The following RBFOX1 variants were observed in gnomAD, a reference collection of about 807,000 sequenced individuals.
The protein encoded by RBFOX1 is RNA binding protein fox-1 homolog 1.
A neutral mutation model predicts 57.7 loss-of-function variants in RBFOX1; 8 were observed. That is an observed-to-expected ratio of 0.14 (90% CI 0.08 to 0.25). The LOEUF (loss-of-function observed/expected upper bound fraction) is 0.25, where lower values mean the gene tolerates loss of function less well. Ranked by LOEUF, RBFOX1 falls within the 10% of genes least tolerant of loss-of-function variation. The pLI, the probability that RBFOX1 is intolerant of heterozygous loss-of-function variation, is 1.00. For synonymous variants in RBFOX1, 326 were observed against 222.4 expected (o/e 1.47, Z -4.15); for missense variants, 611 against 548.5 (o/e 1.11, Z -1.14).
At position 6,082,648 on chromosome 16, in the gene RBFOX1, A is replaced by G. The variant is rs534996670; in HGVS notation, c.-127+62656A>G. Among the ~76,000 whole-genome samples, 109 of 152,186 alleles carry G rather than the reference A, an allele frequency of 7.2e-4. No individual in the cohort carries two copies. The Middle Eastern group carries it at 0.01, about 14-fold the overall frequency. ...TGTGCCTAAACCAAATGCTGGCAATAGGGACGGAATGATAAGCTTTGCTTT... is the reference window on the plus strand; with the variant it reads ...TGTGCCTAAACCAAATGCTGGCAATGGGGACGGAATGATAAGCTTTGCTTT... On this transcript the variant is annotated intron_variant, in intron 1 of 15. Coordinates refer to ENST00000550418, the MANE Select transcript of RBFOX1 (RefSeq NM_018723.4).
At chr16:7,057,375 G>A (rs568264201) in intron 4 of RBFOX1, among the ~76,000 whole-genome samples, 3 of 152,288 alleles carry the variant, frequency 2.0e-5, no homozygotes, top group Admixed American at 6.5e-5. Flanking sequence ...TGAACTCAAC[G>A]TATGTCTTGC....
chr16:6,637,485 C>CTATGTAT lies in RBFOX1; in HGVS notation c.-63-17115_-63-17114insGTATTAT, dbSNP rs1245006909. 3.7e-3 allele frequency among the ~76,000 whole-genome samples: 160 copies of CTATGTAT among 43,826 alleles called. 1 individual carries two copies. Among genetic ancestry groups the CTATGTAT allele is most frequent in the South Asian group, 6.0e-3 (3 of 496 alleles). 28.8% of individuals were successfully genotyped at this position (43,826 alleles called of 152,430 possible). A position where few individuals can be genotyped will look rare whatever the true frequency, so the allele number is the denominator to read the frequency against. ...TGTATTATATATTATATATAATATC[C>CTATGTAT]TATATATTATATATAATATTCTATA... On this transcript the variant is annotated intron_variant, in intron 2 of 15. Coordinates refer to ENST00000550418, the MANE Select transcript of RBFOX1 (RefSeq NM_018723.4).
intron 3 of RBFOX1, among the ~76,000 whole-genome samples, chr16:6,672,624 C>A (rs563860201): frequency 6.6e-6 from 1 of 152,124 alleles, no homozygotes; most frequent in African/African-American, 2.4e-5. Context: ...CTACTGACTT[C>A]AGGTACACAT....
chr16:6,495,155 T>C (rs183707320), intron 2 of RBFOX1, among the ~76,000 whole-genome samples: 28 of 152,268 alleles, frequency 1.8e-4, no homozygotes, highest in African/African-American at 6.0e-4. Context: ...CTTTCACTCT[T>C]TCACCCATGC....
At chr16:6,896,782 A>T (rs554038909) in intron 3 of RBFOX1, among the ~76,000 whole-genome samples, 1 of 152,214 alleles carries the variant, frequency 6.6e-6, no homozygotes. Flanking sequence ...ACAAATGTAC[A>T]TGAGAGGTGG....
chr16:6,617,131 A>AG (rs1318016621), intron 2 of RBFOX1, among the ~76,000 whole-genome samples: 1 of 152,212 alleles, frequency 6.6e-6, no homozygotes, highest in South Asian at 2.1e-4. Context: ...GTAAGACTTA[A>AG]GTGGTACAAG....
chr16:7,235,312 C>G (rs1275011686), intron 4 of RBFOX1, among the ~76,000 whole-genome samples: 1 of 152,110 alleles, frequency 6.6e-6, no homozygotes, highest in Non-Finnish European at 1.5e-5. Context: ...GTGTGGCAAC[C>G]AGTGTGACCA....
chr16:7,656,457 C>CCTAT (rs1404396468), intron 12 of RBFOX1, among the ~76,000 whole-genome samples: 18 of 151,654 alleles, frequency 1.2e-4, no homozygotes, highest in Non-Finnish European at 2.5e-4. Context: ...AGCAAGAACC[C>CCTAT]CTATCTTGTG....
intron 1 of RBFOX1, among the ~76,000 whole-genome samples, chr16:5,462,009 A>G (rs189911098): frequency 6.6e-6 from 1 of 152,210 alleles, no homozygotes; most frequent in East Asian, 1.9e-4. Context: ...GGTGGCACCA[A>G]TTTCCACTCC....
rs368225595 is a variant in RBFOX1 at position 6,842,603 on chromosome 16, C to G, written c.-16+187953C>G. Among the ~76,000 whole-genome samples, 11 of 150,596 alleles carry G rather than the reference C, an allele frequency of 7.3e-5. No individual in the cohort carries two copies. The East Asian group carries it at 9.8e-4, about 13-fold the overall frequency. ...GTATAGACATACTTAATTTATGTAT[C>G]CAGTTTCCTGCTGACAGACATTTAG... On this transcript the variant is annotated intron_variant, in intron 3 of 15. Transcript: ENST00000550418.
At chr16:5,738,322 T>C (rs1032311818) in intron 3 of RBFOX1, among the ~76,000 whole-genome samples, 2 of 151,886 alleles carry the variant, frequency 1.3e-5, no homozygotes, top group Non-Finnish European at 2.9e-5. Flanking sequence ...ACGCTGTTTC[T>C]TTAAAAAGTA....
At chr16:6,880,725 G>A (rs548973080) in intron 3 of RBFOX1, among the ~76,000 whole-genome samples, 6 of 152,252 alleles carry the variant, frequency 3.9e-5, no homozygotes, top group African/African-American at 9.6e-5. Flanking sequence ...CTTCTTGGAC[G>A]ATGATTATTT....
At chr16:7,431,633 C>A (rs1402352859) in intron 4 of RBFOX1, among the ~76,000 whole-genome samples, 10 of 152,236 alleles carry the variant, frequency 6.6e-5, no homozygotes, top group Admixed American at 2.6e-4. Context: ...CAACCGCCAT[C>A]ACTGTCCAGT....
At chr16:6,527,399 C>G (rs889313309) in intron 2 of RBFOX1, among the ~76,000 whole-genome samples, 32 of 152,004 alleles carry the variant, frequency 2.1e-4, no homozygotes, top group African/African-American at 6.5e-4. Flanking sequence ...CAGGCTACTT[C>G]GTCCTTCCCC....
intron 2 of RBFOX1, among the ~76,000 whole-genome samples, chr16:6,339,922 C>A (rs1312468418): frequency 6.6e-6 from 1 of 152,000 alleles, no homozygotes; most frequent in Non-Finnish European, 1.5e-5. Context: ...CATGATCCAC[C>A]CACCTCGTCC....
chr16:5,300,629 G>T (rs1301063839), intron 1 of RBFOX1, among the ~76,000 whole-genome samples: 3 of 152,002 alleles, frequency 2.0e-5, no homozygotes, highest in African/African-American at 7.3e-5. Flanking sequence ...AAGACATCTG[G>T]GACTCGGCTT....
At chr16:7,250,532 T>TA (rs1314742874) in intron 4 of RBFOX1, among the ~76,000 whole-genome samples, 1 of 152,248 alleles carries the variant, frequency 6.6e-6, no homozygotes, top group African/African-American at 2.4e-5. Flanking sequence ...AGTTAGTTTT[T>TA]ATCCCCTCCC....
At chr16:6,740,138 A>G (rs1159834223) in intron 3 of RBFOX1, among the ~76,000 whole-genome samples, 1 of 152,230 alleles carries the variant, frequency 6.6e-6, no homozygotes, top group East Asian at 1.9e-4. Context: ...GATGTTATTC[A>G]CTATACCGAT....
intron 3 of RBFOX1, among the ~76,000 whole-genome samples, chr16:5,636,449 A>C (rs1157479170): frequency 1.3e-5 from 2 of 149,302 alleles, no homozygotes; most frequent in Non-Finnish European, 3.0e-5. Context: ...ATGCTGGCCA[A>C]AGCACTGGAT....
Sources: allele counts gnomAD v4.1 joint callset (sites outside exome capture counted in the v4.1 genomes callset), GRCh38; gene constraint gnomAD v4.1.1; transcripts MANE v1.5; gene names NCBI Gene and HGNC (gene_info 2026-07-23, HGNC 2026-07-21).